VPS37A: variants seen among roughly 807,000 people sequenced by gnomAD.
The protein encoded by VPS37A is vacuolar protein sorting-associated protein 37A.
VPS37A carries 30 observed loss-of-function variants against 49.8 expected under a neutral mutation model. The ratio of observed to expected loss-of-function variants is 0.60; its 90% CI spans 0.45 to 0.82. The LOEUF (loss-of-function observed/expected upper bound fraction) is 0.82, where lower values mean the gene tolerates loss of function less well. Among genes scored for constraint, VPS37A ranks in the 40% least tolerant of loss-of-function variants. The pLI is 0.00. For missense variants in VPS37A, 593 were observed against 464.4 expected, an observed-to-expected ratio of 1.28 and a Z score of -2.55; for synonymous variants, 195 against 160.6, an observed-to-expected ratio of 1.21 and a Z score of -1.62.
downstream of VPS37A, among the ~76,000 whole-genome samples, chr8:17,303,529 A>G (rs1243923168): frequency 6.6e-6 from 1 of 152,154 alleles, no homozygotes; most frequent in African/African-American, 2.4e-5. Flanking sequence ...AGCCAAAGGA[A>G]AAAACATACG....
At chr8:17,307,474 G>A in the VPS37A span, among the ~76,000 whole-genome samples, 1 of 152,128 alleles carries the variant, frequency 6.6e-6, no homozygotes, top group Non-Finnish European at 1.5e-5. Context: ...GGAAGTCAGT[G>A]TGGCGATTCC....
chr8:17,289,698 G>A (rs928238173), intron 11 of VPS37A, among the ~76,000 whole-genome samples: 1 of 152,122 alleles, frequency 6.6e-6, no homozygotes, highest in Non-Finnish European at 1.5e-5. Context: ...CTCTTTCTTG[G>A]TTCCATATAA....
chr8:17,271,116 C>G (rs528602739), intron 4 of VPS37A, among the ~76,000 whole-genome samples: 1 of 152,234 alleles, frequency 6.6e-6, no homozygotes, highest in East Asian at 1.9e-4. Flanking sequence ...GGAAATGATT[C>G]TTCATAGAGT....
At chr8:17,314,515 T>C in the VPS37A span, among the ~76,000 whole-genome samples, 1 of 152,112 alleles carries the variant, frequency 6.6e-6, no homozygotes, top group African/African-American at 2.4e-5. Flanking sequence ...TGCATATGGG[T>C]CACATAGCAG....
chr8:17,308,802 G>A, the VPS37A span, among the ~76,000 whole-genome samples: 1 of 152,154 alleles, frequency 6.6e-6, no homozygotes, highest in African/African-American at 2.4e-5. Flanking sequence ...CCTGGATCTG[G>A]AGTTGGATAT....
chr8:17,250,103 G>T (rs1177527275), intron 1 of VPS37A, among the ~76,000 whole-genome samples: 1 of 152,160 alleles, frequency 6.6e-6, no homozygotes, highest in East Asian at 1.9e-4. Flanking sequence ...TAGATTTTTT[G>T]TAGGGAAGAA....
Position 17,262,954 on chromosome 8 carries a change from A to G in VPS37A, c.126-2953A>G, listed in dbSNP as rs555375529. Among the ~76,000 whole-genome samples, 16 of 151,788 alleles carry G rather than the reference A, an allele frequency of 1.1e-4. No individual in the cohort carries two copies. In the East Asian group the frequency reaches 3.1e-3, roughly 29 times the overall value. ...TGTGCACCTGTAGTCCCAGCTACTC[A>G]GGAGACTGAGGCAGGAGAATCGGTT... On this transcript the variant is annotated intron_variant, in intron 1 of 11. Coordinates refer to ENST00000324849, the MANE Select transcript of VPS37A (RefSeq NM_152415.3).
chr8:17,269,359 G>A (rs1374082884), intron 4 of VPS37A, among the ~76,000 whole-genome samples: 3 of 152,084 alleles, frequency 2.0e-5, no homozygotes, highest in Non-Finnish European at 4.4e-5. Context: ...GCTGAGCCAA[G>A]TATGTTACCA....
intron 2 of VPS37A, among the ~76,000 whole-genome samples, chr8:17,267,359 G>C (rs544750421): frequency 6.6e-6 from 1 of 152,220 alleles, no homozygotes; most frequent in Admixed American, 6.5e-5. Context: ...ATATTCTTGA[G>C]TTTTAGAGAT....
At chr8:17,265,787 C>T in intron 1 of VPS37A, 120 bp from the exon 2 acceptor site, 8 of 1,555,742 alleles carry the variant, frequency 5.1e-6, no homozygotes, top group Non-Finnish European at 7.0e-6. Flanking sequence ...GTTATGCTGG[C>T]TATCCAGATT....
rs1816750208 is a variant in VPS37A at position 17,297,399 on chromosome 8, T to G, written c.*2413T>G. 6.6e-6 allele frequency: 1 copy of G among 152,096 alleles called. No homozygotes were observed. Among genetic ancestry groups the G allele is most frequent in the South Asian group, 2.1e-4 (1 of 4,832 alleles). The allele number at this position is 152,096 out of a possible 1,614,324, so 9.4% of individuals were successfully genotyped here. ...TGCTTGACACATATATATGCTTAAA[T>G]TGAAGGACAGCTCAGATTCATTTTT... On this transcript the variant is annotated 3_prime_UTR_variant, in exon 12 of 12. Transcript: ENST00000324849.
chr8:17,272,934 C>T (rs1186399396), intron 4 of VPS37A, among the ~76,000 whole-genome samples: 1 of 150,310 alleles, frequency 6.7e-6, no homozygotes, highest in Non-Finnish European at 1.5e-5. Flanking sequence ...ATATATAATT[C>T]CTGAGCTGTT....
chr8:17,273,644 G>A (rs977848304), intron 4 of VPS37A, among the ~76,000 whole-genome samples: 14 of 152,268 alleles, frequency 9.2e-5, no homozygotes, highest in Non-Finnish European at 1.5e-4. Context: ...AGGATTACAG[G>A]CGTGTATTAG....
At chr8:17,305,751 A>G (rs780195763), downstream of VPS37A, 4 of 1,601,516 alleles carry the variant, frequency 2.5e-6, no homozygotes, top group East Asian at 4.5e-5. Flanking sequence ...ACACCAAAAC[A>G]CTTACTTGAG....
At chr8:17,303,703 T>G (rs1189989602), downstream of VPS37A, among the ~76,000 whole-genome samples, 1 of 151,540 alleles carries the variant, frequency 6.6e-6, no homozygotes, top group Non-Finnish European at 1.5e-5. Flanking sequence ...TCCTCCTCCC[T>G]GGTTCAAGTG....
intron 11 of VPS37A, among the ~76,000 whole-genome samples, chr8:17,291,891 A>G (rs941524673): frequency 2.6e-5 from 4 of 152,154 alleles, no homozygotes; most frequent in Admixed American, 6.5e-5. Context: ...TTTACTTCCA[A>G]TTATGTGGCC....
intron 3 of VPS37A, 48 bp from the exon 4 acceptor site, chr8:17,268,808 A>G: frequency 2.4e-6 from 3 of 1,261,012 alleles, no homozygotes; most frequent in Non-Finnish European, 3.4e-6. Flanking sequence ...GAGACTTTAT[A>G]ATCTTTTTCT....
chr8:17,332,645 C>G, the VPS37A span, among the ~76,000 whole-genome samples: 33,047 of 152,162 alleles, frequency 0.22, 5,846 homozygotes, highest in African/African-American at 0.49. Flanking sequence ...GAGAAGTACA[C>G]TTTCTGAATG....
rs1293627896 is a variant in VPS37A, at chr8:17,280,382, T to C, written c.908T>C (p.Leu303Ser). The C allele has an allele frequency of 6.2e-7, 1 of 1,609,262 alleles. No homozygotes were observed. Among genetic ancestry groups the C allele is most frequent in the Non-Finnish European group, 8.5e-7 (1 of 1,178,444 alleles). The change falls in exon 9 of 12, where the codon TTA becomes TCA. Residue 303 changes from leucine (L) to serine (S), a missense_variant. Coordinates refer to ENST00000324849, the MANE Select transcript of VPS37A (RefSeq NM_152415.3). ...TTTCATTTTCTCTTTTAGTATGAAT[T>C]ACTTACACAGATGAAGTCCACTTTC... Reference protein sequence around the residue: ...KRQTVLDKYELLTQMKSTFEK... With the variant: ...KRQTVLDKYESLTQMKSTFEK...
Sources: gnomAD v4.1 joint callset for allele counts (sites outside exome capture counted in the v4.1 genomes callset) on GRCh38, gnomAD v4.1.1 for gene constraint, MANE v1.5 for transcripts, NCBI Gene and HGNC (gene_info 2026-07-23, HGNC 2026-07-21) for gene names.